The following SLC24A3 variants were observed in gnomAD, a reference collection of about 807,000 sequenced individuals.
SLC24A3 encodes sodium/potassium/calcium exchanger 3.
Under a neutral mutation model 75.8 loss-of-function variants are expected in SLC24A3, and 28 were observed. The ratio of observed to expected loss-of-function variants is 0.37; its 90% CI spans 0.27 to 0.51. The LOEUF (loss-of-function observed/expected upper bound fraction) is 0.51. Among genes scored for constraint, SLC24A3 ranks in the 20% least tolerant of loss-of-function variants. SLC24A3 has a pLI of 0.94. For synonymous variants in SLC24A3, 372 were observed against 334.1 expected (o/e 1.11, Z -1.24); for missense variants, 663 against 847.8 (o/e 0.78, Z 2.71).
intron 2 of SLC24A3, among the ~76,000 whole-genome samples, chr20:19,477,453 A>G (rs1009455544): frequency 6.6e-6 from 1 of 152,244 alleles, no homozygotes; most frequent in Non-Finnish European, 1.5e-5. Flanking sequence ...TAAGTCCAAA[A>G]AAGGTGAGAT....
At chr20:19,676,752 C>G (rs950722863) in intron 9 of SLC24A3, among the ~76,000 whole-genome samples, 2 of 152,142 alleles carry the variant, frequency 1.3e-5, no homozygotes, top group Non-Finnish European at 2.9e-5. Flanking sequence ...CTTCAAGGAG[C>G]ATAAAGCATG....
chr20:19,520,253 G>C (rs140395517), intron 3 of SLC24A3, among the ~76,000 whole-genome samples: 7 of 152,144 alleles, frequency 4.6e-5, no homozygotes, highest in Non-Finnish European at 8.8e-5. Flanking sequence ...TTCAATGTGC[G>C]TCTTCATTTT....
chr20:19,570,252 C>A (rs2031031937), intron 3 of SLC24A3, among the ~76,000 whole-genome samples: 1 of 152,156 alleles, frequency 6.6e-6, no homozygotes, highest in African/African-American at 2.4e-5. Flanking sequence ...CTTGGGAGAA[C>A]TCTATCAGAA....
chr20:19,388,590 A>G (rs966122860), intron 2 of SLC24A3, among the ~76,000 whole-genome samples: 1 of 152,198 alleles, frequency 6.6e-6, no homozygotes, highest in Non-Finnish European at 1.5e-5. Context: ...GGGTGCCTGT[A>G]GTCCCAGCTA....
At chr20:19,617,851 G>A (rs942914626) in intron 6 of SLC24A3, among the ~76,000 whole-genome samples, 2 of 152,074 alleles carry the variant, frequency 1.3e-5, no homozygotes, top group African/African-American at 2.4e-5. Context: ...AGACGAGGCG[G>A]CATGTTACAT....
At chr20:19,378,291 A>ATTTT (rs1568603583) in intron 2 of SLC24A3, among the ~76,000 whole-genome samples, 2 of 150,148 alleles carry the variant, frequency 1.3e-5, no homozygotes, top group African/African-American at 4.9e-5. Flanking sequence ...GGTTTTTTTA[A>ATTTT]AAAAAAAAAA....
intron 2 of SLC24A3, among the ~76,000 whole-genome samples, chr20:19,373,579 A>G (rs562842896): frequency 2.6e-5 from 4 of 152,156 alleles, no homozygotes; most frequent in Non-Finnish European, 5.9e-5. Context: ...TATAGTGGCT[A>G]TAGATTTTGC....
chr20:19,228,849 A>G (rs1301396465), intron 1 of SLC24A3, among the ~76,000 whole-genome samples: 1 of 152,178 alleles, frequency 6.6e-6, no homozygotes, highest in Non-Finnish European at 1.5e-5. Flanking sequence ...TTTTGCCTAT[A>G]TATTTATGAA....
chr20:19,341,290 A>T (rs1985267419), intron 2 of SLC24A3, among the ~76,000 whole-genome samples: 2 of 152,192 alleles, frequency 1.3e-5, no homozygotes, highest in Non-Finnish European at 2.9e-5. Context: ...CGGGAAAGCC[A>T]TTCCTAAAAT....
chr20:19,659,791 A>G (rs952795638), intron 7 of SLC24A3, among the ~76,000 whole-genome samples: 4 of 152,122 alleles, frequency 2.6e-5, no homozygotes, highest in Non-Finnish European at 4.4e-5. Flanking sequence ...CTCCTCTTAC[A>G]GTCTTTAAAA....
intron 2 of SLC24A3, among the ~76,000 whole-genome samples, chr20:19,296,610 G>A (rs1984066069): frequency 6.6e-6 from 1 of 152,070 alleles, no homozygotes; most frequent in Non-Finnish European, 1.5e-5. Context: ...CCAGTTCTAA[G>A]AGATCTACAA....
At position 19,685,375 on chromosome 20, in the gene SLC24A3, T is replaced by C; in HGVS notation, c.1324+14T>C. The C allele has an allele frequency of 1.2e-6, 2 of 1,610,944 alleles. No homozygotes were observed. Among genetic ancestry groups the C allele is most frequent in the South Asian group, 1.1e-5 (1 of 90,864 alleles). On this transcript the variant is annotated intron_variant, in intron 12 of 16. Transcript: ENST00000328041. The stretch of plus-strand genomic sequence containing the variant: ...TCGACACCCCCTGTAAGAGGTTCTA[T>C]GTCTGGGCTGGGGTTGGGAGCTATT...
rs1476162008 is a variant in SLC24A3 at position 19,374,727 on chromosome 20, A to AG, written c.271+93641dup. Among the ~76,000 whole-genome samples, 12 of 152,228 alleles carry AG rather than the reference A, an allele frequency of 7.9e-5. No individual in the cohort carries two copies. The East Asian group carries it at 2.3e-3, about 29-fold the overall frequency. Reference sequence around the variant, plus strand: ...ATATGTCTGAATCACAGCTCTGATCAGCAGCAGAACATGGATTCATAGGCT... The same window carrying AG: ...ATATGTCTGAATCACAGCTCTGATCAGGCAGCAGAACATGGATTCATAGGCT... On this transcript the variant is annotated intron_variant, in intron 2 of 16. Coordinates refer to ENST00000328041, the MANE Select transcript of SLC24A3 (RefSeq NM_020689.4).
At chr20:19,275,123 G>A (rs1454092870) in intron 1 of SLC24A3, among the ~76,000 whole-genome samples, 1 of 152,204 alleles carries the variant, frequency 6.6e-6, no homozygotes, top group African/African-American at 2.4e-5. Flanking sequence ...AAGAAAAGCA[G>A]TATTCCAGTT....
At chr20:19,468,737 A>G (rs1987812668) in intron 2 of SLC24A3, among the ~76,000 whole-genome samples, 1 of 152,198 alleles carries the variant, frequency 6.6e-6, no homozygotes, top group African/African-American at 2.4e-5. Flanking sequence ...CTCTGGCCAC[A>G]TAAATTGCTC....
chr20:19,669,895 C>G (rs1376566410), intron 8 of SLC24A3, among the ~76,000 whole-genome samples: 1 of 151,898 alleles, frequency 6.6e-6, no homozygotes, highest in African/African-American at 2.4e-5. Context: ...AAAATGGAAG[C>G]CTGGGGAGGG....
intron 7 of SLC24A3, among the ~76,000 whole-genome samples, chr20:19,661,157 C>T (rs893367867): frequency 1.1e-4 from 17 of 152,162 alleles, no homozygotes; most frequent in African/African-American, 4.1e-4. Flanking sequence ...TTCAGTTTAA[C>T]AACCCCCATC....
chr20:19,667,274 G>A (rs949518969), intron 8 of SLC24A3, among the ~76,000 whole-genome samples: 5 of 152,192 alleles, frequency 3.3e-5, no homozygotes, highest in Admixed American at 6.5e-5. Context: ...AAATGAGAAG[G>A]AGGTCTTCTT....
intron 3 of SLC24A3, among the ~76,000 whole-genome samples, chr20:19,534,652 C>T (rs2030364656): frequency 6.6e-6 from 1 of 152,164 alleles, no homozygotes; most frequent in Non-Finnish European, 1.5e-5. Context: ...ACCTCGTGAT[C>T]CACCTGCCTC....
Sources: gnomAD v4.1 joint callset for allele counts (sites outside exome capture counted in the v4.1 genomes callset) on GRCh38, gnomAD v4.1.1 for gene constraint, MANE v1.5 for transcripts, NCBI Gene and HGNC (gene_info 2026-07-23, HGNC 2026-07-21) for gene names.